PDZD9: variants seen among roughly 807,000 people sequenced by gnomAD.
The protein encoded by PDZD9 is PDZ domain containing 9, also known as PDZ domain-containing protein 9.
PDZD9 carries 13 observed loss-of-function variants against 16.3 expected under a neutral mutation model. The ratio of observed to expected loss-of-function variants is 0.80; its 90% CI spans 0.52 to 1.27. The LOEUF (loss-of-function observed/expected upper bound fraction) is 1.27, where lower values mean the gene tolerates loss of function less well. Ranked by LOEUF, PDZD9 falls within the 50% of genes most tolerant of loss-of-function variation. The probability of loss-of-function intolerance (pLI) is 0.00; values close to 1 mark genes in which losing one functional copy is unlikely to be tolerated. For missense variants in PDZD9, 288 were observed against 310.9 expected, an observed-to-expected ratio of 0.93 and a Z score of 0.55; for synonymous variants, 120 against 111.0, an observed-to-expected ratio of 1.08 and a Z score of -0.51.
At chr16:21,994,240 C>A (rs1008270228) in intron 2 of PDZD9, among the ~76,000 whole-genome samples, 2 of 152,192 alleles carry the variant, frequency 1.3e-5, no homozygotes, top group African/African-American at 4.8e-5. Flanking sequence ...CAACCTCTGA[C>A]AAACACAGGA....
At chr16:21,958,649 AT>A in the PDZD9 span, 1 of 1,517,740 alleles carries the variant, frequency 6.6e-7, no homozygotes, top group Non-Finnish European at 9.1e-7. Context: ...AAAATATTCA[AT>A]TTTAAGGGAA....
chr16:21,983,244 A>G (rs1224026627), downstream of PDZD9: 4 of 1,341,278 alleles, frequency 3.0e-6, no homozygotes, highest in East Asian at 2.4e-5. Context: ...GAAAGTCAGA[A>G]GTCTCTAATA....
intron 2 of PDZD9, 137 bp from the exon 3 acceptor site, chr16:21,988,928 CTTTTTTTTTTTT>C (rs60488437): frequency 3.2e-5 from 11 of 345,684 alleles, no homozygotes; most frequent in Non-Finnish European, 5.3e-5. Flanking sequence ...AGGCTTCAGC[CTTTTTTTTTTTT>C]TTTTTTTTGA....
chr16:22,000,870 G>GATA (rs940525648), intron 1 of PDZD9, 147 bp downstream of exon 1: 7 of 618,718 alleles, frequency 1.1e-5, no homozygotes, highest in Non-Finnish European at 1.7e-5. Context: ...TGATGATGAT[G>GATA]ATGATAATGA....
chr16:21,974,006 A>G, the PDZD9 span: 11 of 1,572,182 alleles, frequency 7.0e-6, no homozygotes, highest in Non-Finnish European at 7.8e-6. Flanking sequence ...AACTTCTTTC[A>G]TGAACAAGTT....
Position 21,996,386 on chromosome 16 carries a change from G to C in PDZD9, c.147C>G (p.Pro49=). The C allele has an allele frequency of 6.5e-7, 1 of 1,536,076 alleles. No homozygotes were observed. The highest frequency in any genetic ancestry group is 8.7e-7 in the Non-Finnish European group (1 of 1,146,866). The stretch of plus-strand genomic sequence containing the variant: ...TGATGAGGTGGGTGATCTGGAGGTA[G>C]GGTCCATGCTGGATGATGATGAGGC... ...GLGLIIIQHG[P]YLQITHLIRK... Residue 49 remains proline (P), a synonymous_variant, in exon 2 of 4, where the codon CCC becomes CCG. Transcript: ENST00000424898.
chr16:21,958,476 G>T, the PDZD9 span: 2 of 1,460,942 alleles, frequency 1.4e-6, no homozygotes, highest in Non-Finnish European at 9.6e-7. Flanking sequence ...GATATAGTGT[G>T]ATGTTTGGCA....
intron 1 of PDZD9, 108 bp from the exon 2 acceptor site, chr16:21,996,609 T>C (rs1422810466): frequency 9.7e-7 from 1 of 1,033,608 alleles, no homozygotes; most frequent in Non-Finnish European, 1.4e-6. Flanking sequence ...TAATCCCTGT[T>C]CCTCAGATTC....
intron 1 of PDZD9, among the ~76,000 whole-genome samples, chr16:21,997,415 C>T (rs757584623): frequency 1.3e-5 from 2 of 152,176 alleles, no homozygotes; most frequent in Non-Finnish European, 2.9e-5. Flanking sequence ...AAGGAACAGT[C>T]CCTGTCAGAG....
At chr16:21,968,536 G>A in the PDZD9 span, 5 of 1,168,448 alleles carry the variant, frequency 4.3e-6, no homozygotes, top group Non-Finnish European at 6.0e-6. Context: ...GGCCTTATAA[G>A]TATTTATTTT....
downstream of PDZD9, chr16:21,983,135 A>G (rs1597972716): frequency 6.2e-7 from 1 of 1,614,138 alleles, no homozygotes; most frequent in Non-Finnish European, 8.5e-7. Context: ...CAGCAAGTGG[A>G]AATTTGGGAC....
chr16:21,961,384 A>G, the PDZD9 span: 2 of 428,782 alleles, frequency 4.7e-6, no homozygotes, highest in Non-Finnish European at 9.5e-6. Context: ...CCATTACGGA[A>G]TGAACTAGAT....
chr16:21,995,864 T>C (rs1451580468), intron 2 of PDZD9, among the ~76,000 whole-genome samples: 1 of 152,238 alleles, frequency 6.6e-6, no homozygotes, highest in East Asian at 1.9e-4. Context: ...CGATCTCAGC[T>C]CACTGCAACC....
the PDZD9 span, among the ~76,000 whole-genome samples, chr16:21,961,723 C>T: frequency 3.5e-5 from 5 of 141,822 alleles, no homozygotes; most frequent in Admixed American, 7.5e-5. Flanking sequence ...ATGATCTTGG[C>T]TCACTGTAAC....
At chr16:21,976,123 T>G in the PDZD9 span, 1 of 1,417,424 alleles carries the variant, frequency 7.1e-7, no homozygotes. Context: ...TGCAGGAGAC[T>G]CTGGTACTGA....
the PDZD9 span, chr16:21,965,571 G>C: frequency 7.7e-7 from 1 of 1,305,120 alleles, no homozygotes; most frequent in East Asian, 2.8e-5. Flanking sequence ...TCCCATTTCA[G>C]GTTTGTTTGT....
At chr16:21,967,534 A>G in the PDZD9 span, among the ~76,000 whole-genome samples, 1 of 152,072 alleles carries the variant, frequency 6.6e-6, no homozygotes, top group African/African-American at 2.4e-5. Context: ...ACTTTTGTAT[A>G]TTAAGCCTAA....
chr16:21,959,162 A>G, the PDZD9 span, among the ~76,000 whole-genome samples: 3 of 152,196 alleles, frequency 2.0e-5, no homozygotes, highest in East Asian at 3.9e-4. Flanking sequence ...ATCAGACAAC[A>G]GTGAAGTTTG....
the PDZD9 span, chr16:21,965,657 AT>A: frequency 1.7e-6 from 1 of 577,018 alleles, no homozygotes; most frequent in Non-Finnish European, 2.8e-6. Flanking sequence ...TTTAACTAAA[AT>A]TTTATCTGAA....
Sources: gnomAD v4.1 joint callset for allele counts (sites outside exome capture counted in the v4.1 genomes callset) on GRCh38, gnomAD v4.1.1 for gene constraint, MANE v1.5 for transcripts, NCBI Gene and HGNC (gene_info 2026-07-23, HGNC 2026-07-21) for gene names.